WDFY2: variants seen among roughly 807,000 people sequenced by gnomAD.
WDFY2 encodes WD repeat and FYVE domain-containing protein 2.
Under a neutral mutation model 56.4 loss-of-function variants are expected in WDFY2, and 36 were observed. That is an observed-to-expected ratio of 0.64 (90% CI 0.49 to 0.84). WDFY2 has a LOEUF of 0.84. Among genes scored for constraint, WDFY2 ranks in the 40% least tolerant of loss-of-function variants. WDFY2 has a pLI of 0.00. For synonymous variants in WDFY2, 176 were observed against 183.7 expected (o/e 0.96, Z 0.34); for missense variants, 444 against 512.2 (o/e 0.87, Z 1.29).
intron 8 of WDFY2, among the ~76,000 whole-genome samples, chr13:51,752,685 A>G (rs1953264744): frequency 6.6e-6 from 1 of 152,204 alleles, no homozygotes; most frequent in African/African-American, 2.4e-5. Flanking sequence ...TCTTTGAGCA[A>G]CCTTGTTTAT....
intron 3 of WDFY2, among the ~76,000 whole-genome samples, chr13:51,683,801 G>C (rs1956016250): frequency 6.6e-6 from 1 of 152,150 alleles, no homozygotes. Context: ...GAGGGGAGTG[G>C]TATTAGGTAT....
intron 1 of WDFY2, among the ~76,000 whole-genome samples, chr13:51,602,419 G>C (rs1051578297): frequency 6.6e-6 from 1 of 152,232 alleles, no homozygotes; most frequent in African/African-American, 2.4e-5. Context: ...TAGATATGTA[G>C]TAGGCTATGT....
At chr13:51,616,732 A>T (rs1954623853) in intron 1 of WDFY2, among the ~76,000 whole-genome samples, 1 of 152,188 alleles carries the variant, frequency 6.6e-6, no homozygotes, top group Non-Finnish European at 1.5e-5. Context: ...AAATTTAAGG[A>T]GGCTGGAAAG....
At chr13:51,597,791 G>A (rs1051249811) in intron 1 of WDFY2, among the ~76,000 whole-genome samples, 3 of 152,208 alleles carry the variant, frequency 2.0e-5, no homozygotes, top group African/African-American at 7.2e-5. Context: ...TTCCCTTGAA[G>A]AAATTCTGAA....
chr13:51,655,548 A>G (rs1955494526), intron 1 of WDFY2, among the ~76,000 whole-genome samples: 2 of 152,044 alleles, frequency 1.3e-5, no homozygotes, highest in East Asian at 3.9e-4. Context: ...ACACTCAGTC[A>G]TGGTATATAA....
intron 4 of WDFY2, among the ~76,000 whole-genome samples, chr13:51,711,700 T>C (rs1392053904): frequency 1.3e-5 from 2 of 152,220 alleles, no homozygotes; most frequent in African/African-American, 4.8e-5. Context: ...ATGTTCATCA[T>C]CACTGGTCAT....
At position 51,652,644 on chromosome 13, in the gene WDFY2, T is replaced by C. The variant is rs1955416978; in HGVS notation, c.138-7952T>C. ...GCATTTGCTTGTCTGTAAAGGATTT[T>C]ATTTCTCCTTCACTTATGAAGCTTA... On this transcript the variant is annotated intron_variant, in intron 1 of 11. Transcript: ENST00000298125. 2.6e-5 allele frequency among the ~76,000 whole-genome samples: 4 copies of C among 152,346 alleles called. No individual in the cohort carries two copies. The South Asian group carries it at 8.3e-4, about 32-fold the overall frequency.
rs193005595 is a variant in WDFY2, at chr13:51,684,448, C to G, written c.279+9205C>G. 2.3e-3 allele frequency among the ~76,000 whole-genome samples: 341 copies of G among 151,468 alleles called. 3 individuals are homozygous for G. The highest frequency in any genetic ancestry group is 7.9e-3 in the African/African-American group (324 of 41,272). ...TTGGTTCTTCTTTCTCTGTTAGAGC[C>G]TTAGATGTGAGGCTCCCGAAGGTTC... On this transcript the variant is annotated intron_variant, in intron 3 of 11. Transcript: ENST00000298125.
chr13:51,686,922 G>A (rs1251893666), intron 3 of WDFY2, among the ~76,000 whole-genome samples: 5 of 151,482 alleles, frequency 3.3e-5, no homozygotes, highest in African/African-American at 1.2e-4. Context: ...ATTACTGTGG[G>A]TAACATTGAA....
At chr13:51,641,118 G>A (rs1401725466) in intron 1 of WDFY2, among the ~76,000 whole-genome samples, 1 of 152,054 alleles carries the variant, frequency 6.6e-6, no homozygotes, top group South Asian at 2.1e-4. Context: ...TGTTGCCCAG[G>A]CTGGAGTGCA....
At chr13:51,682,541 G>A (rs568905467) in intron 3 of WDFY2, among the ~76,000 whole-genome samples, 23 of 152,182 alleles carry the variant, frequency 1.5e-4, no homozygotes, top group African/African-American at 5.1e-4. Context: ...AAAGAGGTTC[G>A]GAGCACAAGC....
chr13:51,616,504 T>A (rs1211290293), intron 1 of WDFY2, among the ~76,000 whole-genome samples: 1 of 152,222 alleles, frequency 6.6e-6, no homozygotes, highest in Non-Finnish European at 1.5e-5. Flanking sequence ...TCAGAGGCTT[T>A]TAACCCAAAG....
intron 3 of WDFY2, among the ~76,000 whole-genome samples, chr13:51,681,724 G>A (rs1397069232): frequency 1.3e-5 from 2 of 152,124 alleles, no homozygotes; most frequent in African/African-American, 4.8e-5. Flanking sequence ...TACTATAGGT[G>A]TGGAGCTATG....
intron 1 of WDFY2, among the ~76,000 whole-genome samples, chr13:51,625,273 CATCTG>C: frequency 6.6e-6 from 1 of 152,274 alleles, no homozygotes; most frequent in African/African-American, 2.4e-5. Flanking sequence ...TGGTTAAGTA[CATCTG>C]ATTGGACAAC....
At chr13:51,599,174 T>TG (rs1305304548) in intron 1 of WDFY2, 1 of 152,358 alleles carries the variant, frequency 6.6e-6, no homozygotes, top group Non-Finnish European at 1.5e-5. Context: ...CCCAAAATGC[T>TG]GGGATTATAG....
At position 51,712,187 on chromosome 13, in the gene WDFY2, T is replaced by G. The variant is rs559395054; in HGVS notation, c.335-7011T>G. Among the ~76,000 whole-genome samples, 50 of 152,272 alleles carry G rather than the reference T, an allele frequency of 3.3e-4. 4 individuals are homozygous for G. The South Asian group carries it at 0.01, about 32-fold the overall frequency. On this transcript the variant is annotated intron_variant, in intron 4 of 11. Transcript: ENST00000298125. ...CTGGAAACCATCATTCTGAGCAAACTATTGCAAGGACAGAAAACCAAGCAC... is the reference window on the plus strand; with the variant it reads ...CTGGAAACCATCATTCTGAGCAAACGATTGCAAGGACAGAAAACCAAGCAC...
chr13:51,719,139 T>C (rs1195366864), intron 4 of WDFY2, 59 bp from the exon 5 acceptor site: 1 of 1,610,334 alleles, frequency 6.2e-7, no homozygotes, highest in Admixed American at 1.7e-5. Context: ...CTGTGGGCCA[T>C]GTTCTTCCAA....
At chr13:51,618,966 T>C (rs1377476565) in intron 1 of WDFY2, among the ~76,000 whole-genome samples, 1 of 152,222 alleles carries the variant, frequency 6.6e-6, no homozygotes, top group East Asian at 1.9e-4. Flanking sequence ...TTGCTAAGGC[T>C]AGGGAAGTGA....
chr13:51,686,933 C>A (rs935940909), intron 3 of WDFY2, among the ~76,000 whole-genome samples: 4 of 151,328 alleles, frequency 2.6e-5, no homozygotes, highest in Non-Finnish European at 5.9e-5. Context: ...TAACATTGAA[C>A]CCCCAATTGA....
Sources: allele counts gnomAD v4.1 joint callset (sites outside exome capture counted in the v4.1 genomes callset), GRCh38; gene constraint gnomAD v4.1.1; transcripts MANE v1.5; gene names NCBI Gene and HGNC (gene_info 2026-07-23, HGNC 2026-07-21).